Variants in CDH9 observed in about 807,000 individuals in gnomAD.
The protein encoded by CDH9 is cadherin 9, also known as cadherin-9.
A neutral mutation model predicts 70.9 loss-of-function variants in CDH9; 28 were observed. That is an observed-to-expected ratio of 0.40 (90% confidence interval 0.29 to 0.54). The LOEUF is 0.54. Ranked by LOEUF, CDH9 falls within the 20% of genes least tolerant of loss-of-function variation. The probability of loss-of-function intolerance (pLI) is 0.59; values close to 1 mark genes in which losing one functional copy is unlikely to be tolerated. For synonymous variants in CDH9, 409 were observed against 343.1 expected, an observed-to-expected ratio of 1.19 and a Z score of -2.12; for missense variants, 874 against 984.4, an observed-to-expected ratio of 0.89 and a Z score of 1.50.
At chr5:27,028,583 G>A (rs924798106) in intron 1 of CDH9, among the ~76,000 whole-genome samples, 16 of 151,974 alleles carry the variant, frequency 1.1e-4, no homozygotes, top group African/African-American at 3.9e-4. Context: ...TTTCCACAAA[G>A]TGTGGTATCT....
chr5:26,884,894 C>T (rs949468316), intron 11 of CDH9, among the ~76,000 whole-genome samples: 8 of 152,076 alleles, frequency 5.3e-5, no homozygotes, highest in Non-Finnish European at 1.0e-4. Flanking sequence ...ATAAAACATT[C>T]GCTGTTGGAA....
At chr5:26,933,437 G>T (rs952630424) in intron 2 of CDH9, among the ~76,000 whole-genome samples, 1 of 151,776 alleles carries the variant, frequency 6.6e-6, no homozygotes, top group African/African-American at 2.4e-5. Context: ...GAAACTAAAA[G>T]CTGGACATAC....
chr5:26,952,184 G>A (rs1741857767), intron 2 of CDH9, among the ~76,000 whole-genome samples: 1 of 149,644 alleles, frequency 6.7e-6, no homozygotes, highest in South Asian at 2.1e-4. Context: ...GGCTGGTTTC[G>A]AATTACTAAC....
intron 1 of CDH9, among the ~76,000 whole-genome samples, chr5:26,994,305 A>G (rs1022077381): frequency 9.2e-5 from 14 of 152,146 alleles, no homozygotes; most frequent in African/African-American, 2.9e-4. Context: ...TGTGAAAAGG[A>G]CATGGGAGAA....
At chr5:26,972,460 T>C (rs914212894) in intron 2 of CDH9, among the ~76,000 whole-genome samples, 1 of 152,112 alleles carries the variant, frequency 6.6e-6, no homozygotes, top group African/African-American at 2.4e-5. Flanking sequence ...CCCATGTATA[T>C]CAAAATCTGA....
At chr5:26,923,061 A>G (rs1741272453) in intron 2 of CDH9, among the ~76,000 whole-genome samples, 1 of 134,476 alleles carries the variant, frequency 7.4e-6, no homozygotes, top group Admixed American at 8.1e-5. Context: ...TAGTGTAGTT[A>G]CATGAATTAA....
At chr5:26,985,755 G>C (rs772185250) in intron 2 of CDH9, among the ~76,000 whole-genome samples, 1 of 152,106 alleles carries the variant, frequency 6.6e-6, no homozygotes, top group Non-Finnish European at 1.5e-5. Flanking sequence ...TGCTATCAAT[G>C]GATCCTGGAA....
intron 2 of CDH9, among the ~76,000 whole-genome samples, chr5:26,959,152 T>C (rs1463126995): frequency 6.6e-6 from 1 of 152,060 alleles, no homozygotes; most frequent in Non-Finnish European, 1.5e-5. Context: ...CTCTTAGAAC[T>C]CAAGAACAAA....
At chr5:26,985,723 C>G (rs1207579707) in intron 2 of CDH9, among the ~76,000 whole-genome samples, 1 of 152,050 alleles carries the variant, frequency 6.6e-6, no homozygotes, top group African/African-American at 2.4e-5. Flanking sequence ...GTGAATACGA[C>G]AGGCCTTTTC....
At chr5:26,925,636 C>G (rs1741323726) in intron 2 of CDH9, among the ~76,000 whole-genome samples, 2 of 152,056 alleles carry the variant, frequency 1.3e-5, no homozygotes, top group South Asian at 4.1e-4. Context: ...TGCCTATGTC[C>G]TAAATGGTAT....
intron 1 of CDH9, among the ~76,000 whole-genome samples, chr5:27,034,294 A>C (rs954928046): frequency 9.9e-5 from 15 of 151,622 alleles, no homozygotes; most frequent in Non-Finnish European, 2.1e-4. Flanking sequence ...TCGATTTCAA[A>C]ATCTGATATG....
intron 2 of CDH9, among the ~76,000 whole-genome samples, chr5:26,960,215 G>A (rs757469906): frequency 4.6e-5 from 7 of 151,718 alleles, no homozygotes; most frequent in Admixed American, 2.0e-4. Flanking sequence ...CAATGACCTC[G>A]GACACTGAAA....
intron 1 of CDH9, among the ~76,000 whole-genome samples, chr5:27,014,693 A>G (rs887776157): frequency 1.3e-5 from 2 of 151,928 alleles, no homozygotes; most frequent in African/African-American, 4.8e-5. Flanking sequence ...ATAAGGAAAC[A>G]TTAAGAAATA....
rs530167540 is a variant in CDH9, at chr5:27,004,893, T to C, written c.-49-16511A>G. 1.0e-3 allele frequency among the ~76,000 whole-genome samples: 159 copies of C among 151,862 alleles called. 1 individual carries two copies. Among genetic ancestry groups the C allele is most frequent in the African/African-American group, 3.7e-3 (152 of 41,380 alleles). On this transcript the variant is annotated intron_variant, in intron 1 of 11. Transcript: ENST00000231021. ...TACTGAGATTTATCAGTATATTACA[T>C]AGTTATTAAAAATATGGAAGTGGTT...
At chr5:27,002,471 G>T (rs374279164) in intron 1 of CDH9, among the ~76,000 whole-genome samples, 1 of 152,040 alleles carries the variant, frequency 6.6e-6, no homozygotes, top group South Asian at 2.1e-4. Context: ...ACATGCACAC[G>T]TATGTTTATT....
At chr5:26,938,483 A>G (rs542916993) in intron 2 of CDH9, among the ~76,000 whole-genome samples, 1 of 152,158 alleles carries the variant, frequency 6.6e-6, no homozygotes, top group Admixed American at 6.6e-5. Context: ...GAAAAGCTAT[A>G]GTTAAGTAAA....
intron 3 of CDH9, 86 bp from the exon 4 acceptor site, chr5:26,906,924 T>G (rs1037658222): frequency 3.3e-5 from 48 of 1,435,082 alleles, no homozygotes; most frequent in Non-Finnish European, 4.2e-5. Flanking sequence ...TTGCTCTCAG[T>G]GTTTTGTATT....
chr5:26,909,588 A>G (rs1260739996), intron 3 of CDH9, among the ~76,000 whole-genome samples: 1 of 150,036 alleles, frequency 6.7e-6, no homozygotes, highest in Non-Finnish European at 1.5e-5. Flanking sequence ...CACATTGTGC[A>G]GGTTAGTTAC....
intron 2 of CDH9, among the ~76,000 whole-genome samples, chr5:26,978,802 T>C (rs141666179): frequency 1.8e-3 from 281 of 151,962 alleles, no homozygotes; most frequent in Middle Eastern, 3.4e-3. Flanking sequence ...CCGCTAACTT[T>C]TGATTAAAAG....
Sources: allele counts gnomAD v4.1 joint callset (sites outside exome capture counted in the v4.1 genomes callset), GRCh38; gene constraint gnomAD v4.1.1; transcripts MANE v1.5; gene names NCBI Gene and HGNC (gene_info 2026-07-23, HGNC 2026-07-21).